SCNN1A: variants seen among roughly 807,000 people sequenced by gnomAD.
SCNN1A encodes the protein sodium channel epithelial 1 subunit alpha.
SCNN1A carries 65 observed loss-of-function variants against 68.6 expected under a neutral mutation model. The observed-to-expected ratio is 0.95, with a 90% CI of 0.78 to 1.16. The LOEUF (loss-of-function observed/expected upper bound fraction) is 1.16, where lower values mean the gene tolerates loss of function less well. Ranked by LOEUF, SCNN1A falls within the 50% of genes most tolerant of loss-of-function variation. The pLI is 0.00. For missense variants in SCNN1A, 880 were observed against 865.9 expected (o/e 1.02, Z -0.20); for synonymous variants, 357 against 353.3 (o/e 1.01, Z -0.12).
At chr12:6,349,672 G>C (rs992479772) in intron 8 of SCNN1A, among the ~76,000 whole-genome samples, 1 of 151,688 alleles carries the variant, frequency 6.6e-6, no homozygotes, top group African/African-American at 2.4e-5. Flanking sequence ...GTGTGCCTTT[G>C]TACTCCAACT....
chr12:6,363,664 C>G lies in SCNN1A; in HGVS notation c.463G>C (p.Glu155Gln), dbSNP rs1948622842. 1 of 1,609,040 alleles carries G rather than the reference C, an allele frequency of 6.2e-7. No homozygotes were observed. The highest frequency in any genetic ancestry group is 1.3e-5 in the African/African-American group (1 of 74,372). The change falls in exon 3 of 13, where the codon GAG becomes CAG. Residue 155 changes from glutamate (E) to glutamine (Q), a missense_variant. By Grantham distance (29) the Glu-to-Gln change is conservative. Coordinates refer to ENST00000228916, the MANE Select transcript of SCNN1A (RefSeq NM_001038.6). ...TTGTACAGGTCAAAGAGCGTCTGCTCTGTGATGCGGTCCAGCTCCTCCAGC... is the reference window on the plus strand; with the variant it reads ...TTGTACAGGTCAAAGAGCGTCTGCTGTGTGATGCGGTCCAGCTCCTCCAGC... ...EELEELDRIT[E>Q]QTLFDLYKYS...
At chr12:6,363,830 G>T in intron 2 of SCNN1A, 120 bp from the exon 3 acceptor site, 1 of 991,702 alleles carries the variant, frequency 1.0e-6, no homozygotes. Flanking sequence ...AAGCCTGGGC[G>T]GGGCTGGGGT....
intron 2 of SCNN1A, among the ~76,000 whole-genome samples, chr12:6,368,487 A>G (rs1948718948): frequency 6.6e-6 from 1 of 152,244 alleles, no homozygotes; most frequent in Non-Finnish European, 1.5e-5. Context: ...AGAAACCTTT[A>G]GGACAAACTT....
At chr12:6,358,188 C>T (rs138282854) in intron 4 of SCNN1A, among the ~76,000 whole-genome samples, 1 of 152,280 alleles carries the variant, frequency 6.6e-6, no homozygotes, top group East Asian at 1.9e-4. Context: ...TGAAATTATG[C>T]TTAGAATGGT....
At chr12:6,352,943 G>A (rs752217678) in intron 8 of SCNN1A, among the ~76,000 whole-genome samples, 4 of 152,176 alleles carry the variant, frequency 2.6e-5, no homozygotes, top group African/African-American at 7.2e-5. Flanking sequence ...ATGGCCCTCC[G>A]CCCACCCTGT....
rs997591022 is a variant in SCNN1A at position 6,375,074 on chromosome 12, C to T, written c.-54-237G>A. On this transcript the variant is annotated intron_variant, in intron 1 of 12. Transcript: ENST00000228916. ...GTGCCGGAGCTGGGCTTCCCTAGAA[C>T]GGCCTCTCCTCTGCTTCCCTGATAG... The T allele has an allele frequency of 3.9e-5, 59 of 1,526,842 alleles. 1 individual carries two copies. Among genetic ancestry groups the T allele is most frequent in the South Asian group, 1.3e-4 (11 of 82,986 alleles). 94.6% of individuals were successfully genotyped at this position (1,526,842 alleles called of 1,614,324 possible). A position where few individuals can be genotyped will look rare whatever the true frequency, so the allele number is the denominator to read the frequency against.
rs1431748324 is a variant in SCNN1A at position 6,363,429 on chromosome 12, G to T, written c.684+14C>A. On this transcript the variant is annotated intron_variant, in intron 3 of 12. Coordinates refer to ENST00000228916, the MANE Select transcript of SCNN1A (RefSeq NM_001038.6). ...CGAGGGGCGGGGCGGGCCCCTCGGC[G>T]CTGCGGGCCTCACCAGCTGGAAGCC... 1.3e-6 allele frequency: 2 copies of T among 1,533,430 alleles called. No individual in the cohort carries two copies. The highest frequency in any genetic ancestry group is 1.2e-5 in the South Asian group (1 of 81,242). The allele number at this position is 1,533,430 out of a possible 1,614,324, so 95.0% of individuals were successfully genotyped here. A position where few individuals can be genotyped will look rare whatever the true frequency, so the allele number is the denominator to read the frequency against.
chr12:6,363,645 A>C lies in SCNN1A; in HGVS notation c.482T>G (p.Leu161Arg). The change falls in exon 3 of 13, where the codon CTG becomes CGG. Residue 161 changes from leucine to arginine, a missense_variant. By Grantham distance (102) the Leu-to-Arg change is moderately radical. Transcript: ENST00000228916. ...AGTGGTGAAGGAGCTGTATTTGTAC[A>C]GGTCAAAGAGCGTCTGCTCTGTGAT... ...DRITEQTLFD[L>R]YKYSSFTTLV... 6.2e-7 allele frequency: 1 copy of C among 1,611,304 alleles called. No homozygotes were observed. Among genetic ancestry groups the C allele is most frequent in the Non-Finnish European group, 8.5e-7 (1 of 1,178,474 alleles).
In SCNN1A at chr12:6,347,609, C is replaced by A; in HGVS notation, c.*264G>T. 1 of 512,082 alleles carries A rather than the reference C, an allele frequency of 2.0e-6. No individual in the cohort carries two copies. The allele number at this position is 512,082 out of a possible 1,614,324, so 31.7% of individuals were successfully genotyped here. On this transcript the variant is annotated 3_prime_UTR_variant, in exon 13 of 13. Transcript: ENST00000228916. ...TGATCCAAGGGAAAAAGAGACTTAG[C>A]CGCAGTTGGGTGGGGAAACCAGAGT...
At position 6,347,958 on chromosome 12, in the gene SCNN1A, G is replaced by C; in HGVS notation, c.1925C>G (p.Pro642Arg). ...APSPALTAPP[P>R]AYATLGPRPS... ...GCGGGGGCCCAGGGTGGCATAGGCA[G>C]GGGGAGGGGCTGTCAAGGCTGGAGA... Residue 642 changes from proline to arginine, a missense_variant, in exon 13 of 13, where the codon CCT becomes CGT. Physicochemically the swap from Pro to Arg is moderately radical, Grantham distance 103. Transcript: ENST00000228916. 6.4e-7 allele frequency: 1 copy of C among 1,567,802 alleles called. No individual in the cohort carries two copies. The highest frequency in any genetic ancestry group is 1.4e-5 in the African/African-American group (1 of 74,034).
At position 6,374,923 on chromosome 12, in the gene SCNN1A, C is replaced by T. The variant is rs542954120; in HGVS notation, c.-54-86G>A. The T allele has an allele frequency of 5.6e-6, 9 of 1,603,256 alleles. No homozygotes were observed. In the Admixed American group the frequency reaches 6.9e-5, roughly 12 times the overall value. ...GCCCTGAGTGCCCTCTCCCATCACCCCTGGAACCCGAGTGAGGCTGCCCCT... is the reference window on the plus strand; with the variant it reads ...GCCCTGAGTGCCCTCTCCCATCACCTCTGGAACCCGAGTGAGGCTGCCCCT... On this transcript the variant is annotated intron_variant, in intron 1 of 12. Transcript: ENST00000228916. The surrounding 1 kb of genome is among the most constrained non-coding windows in gnomAD (Gnocchi z 6.2).
intron 2 of SCNN1A, among the ~76,000 whole-genome samples, chr12:6,366,427 G>C (rs1458996072): frequency 6.6e-6 from 1 of 152,156 alleles, no homozygotes; most frequent in Non-Finnish European, 1.5e-5. Flanking sequence ...AACATATTAA[G>C]AAGGAATGTA....
intron 2 of SCNN1A, among the ~76,000 whole-genome samples, chr12:6,373,928 G>A (rs1209482656): frequency 1.3e-5 from 2 of 152,124 alleles, no homozygotes; most frequent in African/African-American, 2.4e-5. Context: ...GCACCTGCAC[G>A]GTCTCGCCTC....
At chr12:6,359,275 A>G (rs1373469579) in intron 4 of SCNN1A, among the ~76,000 whole-genome samples, 1 of 152,206 alleles carries the variant, frequency 6.6e-6, no homozygotes, top group Non-Finnish European at 1.5e-5. Flanking sequence ...AGTGTTATTA[A>G]AAAAAGATTA....
At chr12:6,363,798 G>C in intron 2 of SCNN1A, 88 bp from the exon 3 acceptor site, 1 of 1,326,546 alleles carries the variant, frequency 7.5e-7, no homozygotes, top group Admixed American at 2.5e-5. Context: ...TCTGTGCCCC[G>C]GGAGGCCGGT....
upstream of SCNN1A, chr12:6,377,130 G>A (rs1948925796): frequency 4.3e-6 from 3 of 692,326 alleles, no homozygotes; most frequent in African/African-American, 1.8e-5. Flanking sequence ...AAGAGAAAAG[G>A]CAGTACTCCA....
chr12:6,377,338 G>A, upstream of SCNN1A: 1 of 1,361,014 alleles, frequency 7.3e-7, no homozygotes, highest in Non-Finnish European at 1.0e-6. Flanking sequence ...CCTTCCCAAG[G>A]ATAAATCAGT....
intron 2 of SCNN1A, among the ~76,000 whole-genome samples, chr12:6,368,962 A>T (rs1348256245): frequency 6.6e-6 from 1 of 152,180 alleles, no homozygotes; most frequent in African/African-American, 2.4e-5. Flanking sequence ...ACACAAAGTG[A>T]AGAGACCATC....
chr12:6,375,743 G>A (rs1289752889), upstream of SCNN1A: 3 of 1,415,080 alleles, frequency 2.1e-6, no homozygotes, highest in Non-Finnish European at 2.8e-6. Flanking sequence ...AGGCAAGGAG[G>A]CTGGGGGACA....
Sources: allele counts gnomAD v4.1 joint callset (sites outside exome capture counted in the v4.1 genomes callset), GRCh38; gene constraint gnomAD v4.1.1; non-coding constraint Gnocchi (gnomAD v3.1); transcripts MANE v1.5; gene names NCBI Gene and HGNC (gene_info 2026-07-23, HGNC 2026-07-21).